CNTN4: variants seen among roughly 807,000 people sequenced by gnomAD.
The protein encoded by CNTN4 is contactin 4.
CNTN4 carries 77 observed loss-of-function variants against 122.5 expected under a neutral mutation model. That is an observed-to-expected ratio of 0.63 (90% CI 0.52 to 0.76). The LOEUF (loss-of-function observed/expected upper bound fraction) is 0.76, where lower values mean the gene tolerates loss of function less well. Ranked by LOEUF, CNTN4 falls within the 30% of genes least tolerant of loss-of-function variation. The pLI, the probability that CNTN4 is intolerant of heterozygous loss-of-function variation, is 0.00. For missense variants in CNTN4, 1,256 were observed against 1,259.1 expected, an observed-to-expected ratio of 1.00 and a Z score of 0.04; for synonymous variants, 512 against 447.0, an observed-to-expected ratio of 1.15 and a Z score of -1.83.
chr3:2,380,990 G>A (rs1183138778), intron 3 of CNTN4, among the ~76,000 whole-genome samples: 1 of 150,622 alleles, frequency 6.6e-6, no homozygotes, highest in Non-Finnish European at 1.5e-5. Flanking sequence ...CCCTTCTTTT[G>A]TTTTGTTTTG....
At chr3:2,830,399 T>A (rs975942841) in intron 7 of CNTN4, among the ~76,000 whole-genome samples, 10 of 152,218 alleles carry the variant, frequency 6.6e-5, no homozygotes, top group African/African-American at 2.4e-4. Flanking sequence ...GAAATAATGT[T>A]TGGAAAATGA....
chr3:2,513,010 T>C (rs533112396), intron 3 of CNTN4, among the ~76,000 whole-genome samples: 3 of 152,210 alleles, frequency 2.0e-5, no homozygotes, highest in East Asian at 1.9e-4. Context: ...AGCTTGAGAT[T>C]TGGAGGGAAA....
intron 2 of CNTN4, among the ~76,000 whole-genome samples, chr3:2,170,135 C>T (rs1180967643): frequency 1.3e-5 from 2 of 151,792 alleles, no homozygotes; most frequent in Non-Finnish European, 1.5e-5. Context: ...TCCTGGCTAA[C>T]ACGGTGAAAC....
chr3:2,783,752 G>T (rs781622665), intron 6 of CNTN4, among the ~76,000 whole-genome samples: 2 of 152,206 alleles, frequency 1.3e-5, no homozygotes, highest in African/African-American at 4.8e-5. Context: ...GAGTTGTAAC[G>T]TAAAGACGAA....
intron 3 of CNTN4, among the ~76,000 whole-genome samples, chr3:2,459,208 A>G (rs1040852472): frequency 2.0e-5 from 3 of 152,178 alleles, no homozygotes; most frequent in Non-Finnish European, 2.9e-5. Flanking sequence ...AAGATCTTCA[A>G]TGGGGAATGT....
In CNTN4 at chr3:2,927,347, G is replaced by A. The variant is rs976744375; in HGVS notation, c.1358+1568G>A. 3 of 455,542 alleles carry A rather than the reference G, an allele frequency of 6.6e-6. No individual in the cohort carries two copies. In the Admixed American group the frequency reaches 7.1e-5, roughly 11 times the overall value. 28.2% of individuals were successfully genotyped at this position (455,542 alleles called of 1,614,324 possible). On this transcript the variant is annotated intron_variant, in intron 13 of 24. Transcript: ENST00000418658. ...CTCTGCTCCTCTCTAAGGCCAGCCT[G>A]GTGGACCAAGATGCTCTGGACGTTG...
chr3:2,993,090 G>A (rs1695199659), intron 14 of CNTN4, among the ~76,000 whole-genome samples: 2 of 152,060 alleles, frequency 1.3e-5, no homozygotes, highest in Non-Finnish European at 2.9e-5. Context: ...TACCCCAGGG[G>A]CTAAGCATGG....
chr3:2,365,526 A>C (rs911485003), intron 3 of CNTN4, among the ~76,000 whole-genome samples: 4 of 152,174 alleles, frequency 2.6e-5, no homozygotes, highest in Non-Finnish European at 5.9e-5. Context: ...AGGAACAAGG[A>C]ATTGGGGGAA....
intron 3 of CNTN4, among the ~76,000 whole-genome samples, chr3:2,351,960 A>G (rs898882896): frequency 1.3e-5 from 2 of 152,198 alleles, no homozygotes; most frequent in East Asian, 1.9e-4. Context: ...TAAATTTCAA[A>G]TGTCTCACCA....
At position 2,208,034 on chromosome 3, in the gene CNTN4, G is replaced by C. The variant is rs2038441873; in HGVS notation, c.-145+107395G>C. On this transcript the variant is annotated intron_variant, in intron 2 of 24. Coordinates refer to ENST00000418658, the MANE Select transcript of CNTN4 (RefSeq NM_175607.3). ...CAAGATTGATATTATCTCCTTGCCT[G>C]TTAACATAATATCCTTTCTGCAGTT... Among the ~76,000 whole-genome samples the C allele has an allele frequency of 2.0e-5, 3 of 152,124 alleles. No homozygotes were observed. In the South Asian group the frequency reaches 6.2e-4, roughly 31 times the overall value.
chr3:2,510,822 G>C (rs1006177727), intron 3 of CNTN4, among the ~76,000 whole-genome samples: 6 of 151,990 alleles, frequency 3.9e-5, no homozygotes, highest in African/African-American at 1.5e-4. Context: ...ACTGCATCAC[G>C]ATGCAGACAG....
At chr3:2,809,585 G>A (rs2092556054) in intron 6 of CNTN4, among the ~76,000 whole-genome samples, 1 of 152,160 alleles carries the variant, frequency 6.6e-6, no homozygotes, top group Admixed American at 6.6e-5. Context: ...TCTTTGTGTT[G>A]TGTAAGTATG....
intron 12 of CNTN4, among the ~76,000 whole-genome samples, chr3:2,919,547 A>G (rs996617977): frequency 4.6e-5 from 7 of 152,186 alleles, no homozygotes; most frequent in African/African-American, 1.7e-4. Flanking sequence ...AAGAGCTACT[A>G]TTTCCTAGCT....
chr3:2,583,002 T>C (rs1218302274), intron 4 of CNTN4, among the ~76,000 whole-genome samples: 1 of 152,058 alleles, frequency 6.6e-6, no homozygotes, highest in Non-Finnish European at 1.5e-5. Context: ...TATATGTTGC[T>C]TGGGCTGCAT....
chr3:2,695,083 A>C (rs2085950916), intron 4 of CNTN4, among the ~76,000 whole-genome samples: 1 of 152,228 alleles, frequency 6.6e-6, no homozygotes, highest in Non-Finnish European at 1.5e-5. Flanking sequence ...TACCTATTAC[A>C]TGCCAGGGGC....
chr3:2,191,285 A>G (rs2037533044), intron 2 of CNTN4, among the ~76,000 whole-genome samples: 1 of 151,444 alleles, frequency 6.6e-6, no homozygotes, highest in South Asian at 2.1e-4. Context: ...ACCCAGACAT[A>G]GAACTCAACT....
At chr3:2,699,980 A>G (rs936984979) in intron 4 of CNTN4, among the ~76,000 whole-genome samples, 1 of 152,166 alleles carries the variant, frequency 6.6e-6, no homozygotes, top group Non-Finnish European at 1.5e-5. Context: ...TGCACCAAAC[A>G]GATGGAATGG....
intron 3 of CNTN4, among the ~76,000 whole-genome samples, chr3:2,497,368 A>G (rs754118508): frequency 6.6e-6 from 1 of 152,156 alleles, no homozygotes; most frequent in Non-Finnish European, 1.5e-5. Flanking sequence ...TCACATCCCT[A>G]TAGCATTTTC....
chr3:2,237,764 ATT>A (rs1559367974), intron 2 of CNTN4, among the ~76,000 whole-genome samples: 1 of 152,210 alleles, frequency 6.6e-6, no homozygotes, highest in African/African-American at 2.4e-5. Context: ...GAATATTGGT[ATT>A]TTTATGATCT....
Sources: allele counts gnomAD v4.1 joint callset (sites outside exome capture counted in the v4.1 genomes callset), GRCh38; gene constraint gnomAD v4.1.1; transcripts MANE v1.5; gene names NCBI Gene and HGNC (gene_info 2026-07-23, HGNC 2026-07-21).